CIBAR1: variants seen among roughly 807,000 people sequenced by gnomAD.
CIBAR1 encodes CBY1 interacting BAR domain containing 1.
CIBAR1 carries 25 observed loss-of-function variants against 44.0 expected under a neutral mutation model. The observed-to-expected ratio is 0.57, with a 90% CI of 0.41 to 0.79. CIBAR1 has a LOEUF of 0.79. CIBAR1 is among the 30% of genes least tolerant of loss of function. The pLI is 0.00. For missense variants in CIBAR1, 278 were observed against 344.8 expected (o/e 0.81, Z 1.53); for synonymous variants, 115 against 119.0 (o/e 0.97, Z 0.22).
At chr8:93,711,762 T>C (rs115643793) in intron 6 of CIBAR1, among the ~76,000 whole-genome samples, 3,136 of 152,264 alleles carry the variant, frequency 0.021, 105 homozygotes, top group African/African-American at 0.07. Context: ...ACCTGCAAAT[T>C]TTTCATTTAC....
chr8:93,705,638 T>C (rs1810549833), intron 4 of CIBAR1: 1 of 152,176 alleles, frequency 6.6e-6, no homozygotes, highest in Non-Finnish European at 1.5e-5. Context: ...GCAACTGAGA[T>C]GGGTAGGACT....
intron 4 of CIBAR1, 109 bp from the exon 5 acceptor site, chr8:93,707,902 A>AGGTT: frequency 1.6e-6 from 1 of 637,396 alleles, no homozygotes; most frequent in Non-Finnish European, 2.5e-6. Flanking sequence ...GGTTACAATT[A>AGGTT]ATATATAACC....
intron 4 of CIBAR1, chr8:93,705,232 G>A (rs999348656): frequency 2.3e-6 from 1 of 427,272 alleles, no homozygotes; most frequent in Non-Finnish European, 4.1e-6. Context: ...CTTTGCAAAC[G>A]AACAAACAAA....
At chr8:93,704,830 T>C in intron 3 of CIBAR1, 79 bp from the exon 4 acceptor site, 1 of 790,074 alleles carries the variant, frequency 1.3e-6, no homozygotes, top group Non-Finnish European at 2.0e-6. Flanking sequence ...AAAACAATTC[T>C]TAAAAGAATT....
At chr8:93,718,145 C>T (rs914468179) in intron 6 of CIBAR1, among the ~76,000 whole-genome samples, 6 of 152,182 alleles carry the variant, frequency 3.9e-5, no homozygotes, top group Non-Finnish European at 8.8e-5. Context: ...TAAACTAGAA[C>T]GCTCTATGCA....
At chr8:93,701,984 G>A (rs1810379183) in intron 2 of CIBAR1, 1 of 217,786 alleles carries the variant, frequency 4.6e-6, no homozygotes, top group Non-Finnish European at 9.3e-6. Flanking sequence ...ACACCGTGTG[G>A]ACTTTTTGCT....
rs1359758313 is a variant in CIBAR1, at chr8:93,710,767, G to A, written c.543+892G>A. Among the ~76,000 whole-genome samples the A allele has an allele frequency of 3.3e-5, 5 of 150,758 alleles. No individual in the cohort carries two copies. In the South Asian group the frequency reaches 1.0e-3, roughly 32 times the overall value. On this transcript the variant is annotated intron_variant, in intron 6 of 8. Coordinates refer to ENST00000518322, the MANE Select transcript of CIBAR1 (RefSeq NM_145269.5). ...GAGAATCACTTGAACCCAGGAGGTG[G>A]AGGTTGCAGTGAGCCAAGAAGATCA...
chr8:93,725,044 G>A (rs138720415), intron 7 of CIBAR1, among the ~76,000 whole-genome samples: 1,566 of 152,172 alleles, frequency 0.01, 23 homozygotes, highest in African/African-American at 0.036. Flanking sequence ...GTGGCGTGTT[G>A]TGATCTTGGC....
chr8:93,730,494 G>A lies in CIBAR1; in HGVS notation c.*2197G>A, dbSNP rs143901610. The A allele has an allele frequency of 6.6e-6, 1 of 152,172 alleles. No individual in the cohort carries two copies. Among genetic ancestry groups the A allele is most frequent in the Non-Finnish European group, 1.5e-5 (1 of 68,032 alleles). The allele number at this position is 152,172 out of a possible 1,614,324, so 9.4% of individuals were successfully genotyped here. ...CTCCAGTGTACCTGGTATACCTTGAGGATAGGAGAGGAAAAACTGGCTATG... is the reference window on the plus strand; with the variant it reads ...CTCCAGTGTACCTGGTATACCTTGAAGATAGGAGAGGAAAAACTGGCTATG... On this transcript the variant is annotated 3_prime_UTR_variant, in exon 9 of 9. Transcript: ENST00000518322.
intron 2 of CIBAR1, chr8:93,701,768 C>T (rs532537340): frequency 6.2e-6 from 2 of 322,516 alleles, no homozygotes; most frequent in East Asian, 7.0e-5. Context: ...AGAAAATAAG[C>T]ATAACTTAAT....
intron 6 of CIBAR1, among the ~76,000 whole-genome samples, chr8:93,710,171 G>T (rs916569125): frequency 6.6e-6 from 1 of 151,958 alleles, no homozygotes; most frequent in Admixed American, 6.6e-5. Context: ...CAGCTTCTTA[G>T]GGGGCTGAGG....
chr8:93,710,381 A>G lies in CIBAR1; in HGVS notation c.543+506A>G, dbSNP rs543678214. On this transcript the variant is annotated intron_variant, in intron 6 of 8. Coordinates refer to ENST00000518322, the MANE Select transcript of CIBAR1 (RefSeq NM_145269.5). ...TTTTTTAGTAGAAACAGTGATATATAAAAGACCAACATTTCCAACCAGAAG... is the reference window on the plus strand; with the variant it reads ...TTTTTTAGTAGAAACAGTGATATATGAAAGACCAACATTTCCAACCAGAAG... 5.9e-5 allele frequency among the ~76,000 whole-genome samples: 9 copies of G among 152,258 alleles called. No individual in the cohort carries two copies. In the East Asian group the frequency reaches 1.7e-3, roughly 29 times the overall value.
At chr8:93,713,191 C>A (rs1810901917) in intron 6 of CIBAR1, among the ~76,000 whole-genome samples, 2 of 151,934 alleles carry the variant, frequency 1.3e-5, no homozygotes. Context: ...CACCACCACA[C>A]CCGGCTAATT....
Position 93,722,297 on chromosome 8 carries a change from T to TA in CIBAR1, c.657+3510dup, listed in dbSNP as rs540940325. ...AGAAATAACTTGCTATTCTTCCAGATAGTCCATGCTTTGTAAGAACCGCTG... is the reference window on the plus strand; with the variant it reads ...AGAAATAACTTGCTATTCTTCCAGATAAGTCCATGCTTTGTAAGAACCGCTG... On this transcript the variant is annotated intron_variant, in intron 7 of 8. Transcript: ENST00000518322. Among the ~76,000 whole-genome samples the TA allele has an allele frequency of 9.7e-4, 148 of 152,352 alleles. 4 individuals carry two copies. The South Asian group carries it at 0.03, about 31-fold the overall frequency.
At chr8:93,702,707 A>C (rs767246123) in intron 2 of CIBAR1, among the ~76,000 whole-genome samples, 1 of 151,970 alleles carries the variant, frequency 6.6e-6, no homozygotes, top group Non-Finnish European at 1.5e-5. Context: ...TTATTTTCCT[A>C]ACATGTTTTA....
intron 5 of CIBAR1, among the ~76,000 whole-genome samples, chr8:93,708,571 G>A (rs988428784): frequency 5.3e-5 from 8 of 152,266 alleles, no homozygotes; most frequent in Middle Eastern, 3.4e-3. Context: ...ATGTCCAAGC[G>A]TGTTAGACTT....
In CIBAR1 at chr8:93,724,445, CTCCCAAGTAGCTGGAATTATAGGCACG is replaced by C. The variant is rs1161675780; in HGVS notation, c.658-1943_658-1917del. 3 of 457,272 alleles carry C rather than the reference CTCCCAAGTAGCTGGAATTATAGGCACG, an allele frequency of 6.6e-6. No homozygotes were observed. The East Asian group carries it at 2.1e-4, about 32-fold the overall frequency. The allele number at this position is 457,272 out of a possible 1,614,324, so 28.3% of individuals were successfully genotyped here. A position where few individuals can be genotyped will look rare whatever the true frequency, so the allele number is the denominator to read the frequency against. ...GCTTAGGTGATCCTCCCACCTCAGCCTCCCAAGTAGCTGGAATTATAGGCACGTCCCACTATGCCTGGCTAATTTTCA... is the reference window on the plus strand; with the variant it reads ...GCTTAGGTGATCCTCCCACCTCAGCCTCCCACTATGCCTGGCTAATTTTCA... On this transcript the variant is annotated intron_variant, in intron 7 of 8. Transcript: ENST00000518322.
chr8:93,723,822 G>C (rs1236725008), intron 7 of CIBAR1, among the ~76,000 whole-genome samples: 1 of 152,146 alleles, frequency 6.6e-6, no homozygotes, highest in African/African-American at 2.4e-5. Context: ...GTGCTTGAAG[G>C]ACAAGTAATT....
At chr8:93,727,200 A>C in intron 8 of CIBAR1, 1 of 1,285,934 alleles carries the variant, frequency 7.8e-7, no homozygotes, top group Non-Finnish European at 1.0e-6. Flanking sequence ...TCTAGCCTTC[A>C]GAATATAAAA....
Sources: allele counts gnomAD v4.1 joint callset (sites outside exome capture counted in the v4.1 genomes callset), GRCh38; gene constraint gnomAD v4.1.1; transcripts MANE v1.5; gene names NCBI Gene and HGNC (gene_info 2026-07-23, HGNC 2026-07-21).